Variants in GRHL2 observed in about 807,000 individuals in gnomAD.
GRHL2 encodes grainyhead-like protein 2 homolog.
GRHL2 carries 21 observed loss-of-function variants against 83.8 expected under a neutral mutation model. That is an observed-to-expected ratio of 0.25 (90% CI 0.18 to 0.36). The LOEUF (loss-of-function observed/expected upper bound fraction) is 0.36, where lower values mean the gene tolerates loss of function less well. Ranked by LOEUF, GRHL2 falls within the 10% of genes least tolerant of loss-of-function variation. The probability of loss-of-function intolerance (pLI) is 1.00; values close to 1 mark genes in which losing one functional copy is unlikely to be tolerated. For missense variants in GRHL2, 623 were observed against 781.8 expected (o/e 0.80, Z 2.42); for synonymous variants, 280 against 278.9 (o/e 1.00, Z -0.04).
intron 7 of GRHL2, among the ~76,000 whole-genome samples, chr8:101,584,208 A>G (rs1812117990): frequency 6.6e-6 from 1 of 152,196 alleles, no homozygotes; most frequent in Non-Finnish European, 1.5e-5. Flanking sequence ...GTAGATTTCC[A>G]TGGTAATTAG....
At chr8:101,627,628 T>C (rs1285422195) in intron 9 of GRHL2, among the ~76,000 whole-genome samples, 1 of 152,038 alleles carries the variant, frequency 6.6e-6, no homozygotes, top group African/African-American at 2.4e-5. Context: ...AATCAGAAGC[T>C]AGAAATAATT....
chr8:101,579,935 T>C (rs1586114410), intron 7 of GRHL2, among the ~76,000 whole-genome samples: 1 of 152,324 alleles, frequency 6.6e-6, no homozygotes, highest in East Asian at 1.9e-4. Flanking sequence ...TAGTTTTGGT[T>C]AGGAACATTC....
At chr8:101,580,663 G>A (rs1297927349) in intron 7 of GRHL2, among the ~76,000 whole-genome samples, 1 of 152,128 alleles carries the variant, frequency 6.6e-6, no homozygotes, top group Non-Finnish European at 1.5e-5. Context: ...ACCCAAGAAT[G>A]CCAAAATGTG....
downstream of GRHL2, among the ~76,000 whole-genome samples, chr8:101,670,024 T>C (rs1432756792): frequency 6.6e-6 from 1 of 152,184 alleles, no homozygotes. Context: ...CTTCTGCCCA[T>C]CCTCACTCCC....
the GRHL2 span, among the ~76,000 whole-genome samples, chr8:101,675,812 C>T: frequency 1.3e-5 from 2 of 152,118 alleles, no homozygotes; most frequent in African/African-American, 2.4e-5. Flanking sequence ...TCAAACTATA[C>T]TACAAGGCTA....
chr8:101,657,611 C>T (rs755814637), intron 14 of GRHL2, among the ~76,000 whole-genome samples: 6 of 152,046 alleles, frequency 3.9e-5, no homozygotes, highest in East Asian at 1.9e-4. Flanking sequence ...GAGGCCGAGA[C>T]GGGTGGATCA....
chr8:101,497,127 A>G (rs1181697984), intron 1 of GRHL2, among the ~76,000 whole-genome samples: 2 of 152,168 alleles, frequency 1.3e-5, no homozygotes, highest in East Asian at 1.9e-4. Context: ...GTTCCCTACA[A>G]TGGATTAAAT....
chr8:101,599,546 G>A (rs959758531), intron 8 of GRHL2, among the ~76,000 whole-genome samples: 3 of 152,238 alleles, frequency 2.0e-5, no homozygotes, highest in Non-Finnish European at 4.4e-5. Context: ...TGACCCCATA[G>A]CCCCTTCCAG....
At position 101,660,879 on chromosome 8, in the gene GRHL2, C is replaced by T. The variant is rs1043863470; in HGVS notation, c.1699-3575C>T. 2.6e-5 allele frequency among the ~76,000 whole-genome samples: 4 copies of T among 152,238 alleles called. No individual in the cohort carries two copies. In the East Asian group the frequency reaches 7.7e-4, roughly 29 times the overall value. On this transcript the variant is annotated intron_variant, in intron 14 of 15. Coordinates refer to ENST00000646743, the MANE Select transcript of GRHL2 (RefSeq NM_024915.4). ...AAAATTAGCCAGTTGAAATGCCTAC[C>T]CTCTCCCCATCAACTTCCAACTTCC...
chr8:101,534,675 G>C lies in GRHL2; in HGVS notation c.21-8566G>C, dbSNP rs115820635. Among the ~76,000 whole-genome samples, 5 of 152,140 alleles carry C rather than the reference G, an allele frequency of 3.3e-5. No individual in the cohort carries two copies. The East Asian group carries it at 9.7e-4, about 29-fold the overall frequency. ...CAAGATGATGGTGGCTTGGACCAGG[G>C]TGCTAGCAGTGGAGGTAGTGAGAAG... On this transcript the variant is annotated intron_variant, in intron 1 of 15. Transcript: ENST00000646743.
rs1811960253 is a variant in GRHL2, at chr8:101,577,641, C to T, written c.1003+122C>T. On this transcript the variant is annotated intron_variant, in intron 7 of 15. Transcript: ENST00000646743. ...CAGAGCTCTTATGATGTGCCCGGCACTAGTCTATGTCAGGACATTTAGTGC... is the reference window on the plus strand; with the variant it reads ...CAGAGCTCTTATGATGTGCCCGGCATTAGTCTATGTCAGGACATTTAGTGC... The T allele has an allele frequency of 2.1e-5, 15 of 727,676 alleles. No homozygotes were observed. In the South Asian group the frequency reaches 2.2e-4, roughly 11 times the overall value. 45.1% of individuals were successfully genotyped at this position (727,676 alleles called of 1,614,324 possible).
At chr8:101,614,628 C>G (rs1046256012) in intron 8 of GRHL2, among the ~76,000 whole-genome samples, 4 of 152,166 alleles carry the variant, frequency 2.6e-5, no homozygotes, top group African/African-American at 9.7e-5. Flanking sequence ...TTAAGCCCCT[C>G]TAATACATAT....
At chr8:101,637,877 C>G (rs1031400077) in intron 12 of GRHL2, among the ~76,000 whole-genome samples, 1 of 152,206 alleles carries the variant, frequency 6.6e-6, no homozygotes, top group Non-Finnish European at 1.5e-5. Context: ...CCTTTCCTCC[C>G]TGCAACTGTT....
intron 2 of GRHL2, among the ~76,000 whole-genome samples, chr8:101,546,354 A>T (rs1329647431): frequency 6.6e-6 from 1 of 151,982 alleles, no homozygotes; most frequent in Non-Finnish European, 1.5e-5. Context: ...TTTGATGACA[A>T]TTCTTTTTTT....
chr8:101,671,393 G>C (rs182088645), downstream of GRHL2, among the ~76,000 whole-genome samples: 251 of 152,284 alleles, frequency 1.6e-3, 1 homozygote, highest in Non-Finnish European at 2.8e-3. Flanking sequence ...GGTCCTACGC[G>C]CATGGAGTCT....
rs1450806604 is a variant in GRHL2 at position 101,642,156 on chromosome 8, C to T, written c.1518-1975C>T. On this transcript the variant is annotated intron_variant, in intron 12 of 15. Transcript: ENST00000646743. ...AAATGGGGCAGTCATATCTGCCCTT[C>T]TTTTCTTGCCTTGCTTTGAAAACAA... Among the ~76,000 whole-genome samples the T allele has an allele frequency of 2.0e-5, 3 of 152,206 alleles. No homozygotes were observed. In the East Asian group the frequency reaches 5.8e-4, roughly 29 times the overall value.
At position 101,532,468 on chromosome 8, in the gene GRHL2, T is replaced by A. The variant is rs183575667; in HGVS notation, c.21-10773T>A. On this transcript the variant is annotated intron_variant, in intron 1 of 15. Coordinates refer to ENST00000646743, the MANE Select transcript of GRHL2 (RefSeq NM_024915.4). ...ATATAAACTATTTAGAGAGTAGAATTCAGCTGGCCGCGGTGGCTCATGCCT... is the reference window on the plus strand; with the variant it reads ...ATATAAACTATTTAGAGAGTAGAATACAGCTGGCCGCGGTGGCTCATGCCT... Among the ~76,000 whole-genome samples the A allele has an allele frequency of 2.0e-5, 3 of 152,170 alleles. No homozygotes were observed. The East Asian group carries it at 5.8e-4, about 29-fold the overall frequency.
intron 14 of GRHL2, among the ~76,000 whole-genome samples, chr8:101,652,545 G>GT: frequency 1.4e-5 from 1 of 73,360 alleles, no homozygotes; most frequent in Non-Finnish European, 2.4e-5. Context: ...GTGTGTGTGT[G>GT]TGGTGTGTAT....
intron 12 of GRHL2, among the ~76,000 whole-genome samples, chr8:101,642,207 T>C (rs1247584055): frequency 7.2e-5 from 11 of 152,218 alleles, no homozygotes; most frequent in Admixed American, 7.2e-4. Context: ...TTGAGCCACA[T>C]AAACTTATTC....
Sources: gnomAD v4.1 joint callset for allele counts (sites outside exome capture counted in the v4.1 genomes callset) on GRCh38, gnomAD v4.1.1 for gene constraint, MANE v1.5 for transcripts, NCBI Gene and HGNC (gene_info 2026-07-23, HGNC 2026-07-21) for gene names.